ESR1: variants seen among roughly 807,000 people sequenced by gnomAD.
ESR1 encodes estrogen receptor.
Under a neutral mutation model 52.7 loss-of-function variants are expected in ESR1, and 12 were observed. The observed-to-expected ratio is 0.23, with a 90% CI of 0.15 to 0.37. The LOEUF (loss-of-function observed/expected upper bound fraction) is 0.37, where lower values mean the gene tolerates loss of function less well. Among genes scored for constraint, ESR1 ranks in the 10% least tolerant of loss-of-function variants. The pLI is 1.00. For synonymous variants in ESR1, 305 were observed against 316.8 expected, an observed-to-expected ratio of 0.96 and a Z score of 0.39; for missense variants, 584 against 779.7, an observed-to-expected ratio of 0.75 and a Z score of 2.99.
At chr6:151,968,169 GA>G (rs1324477266) in intron 4 of ESR1, among the ~76,000 whole-genome samples, 4 of 152,114 alleles carry the variant, frequency 2.6e-5, no homozygotes, top group African/African-American at 9.7e-5. Context: ...AAGAAATGGG[GA>G]AAGGATTCCC....
chr6:151,766,138 C>T (rs1287495866), intron 2 of ESR1, among the ~76,000 whole-genome samples: 3 of 152,048 alleles, frequency 2.0e-5, no homozygotes, highest in Non-Finnish European at 4.4e-5. Context: ...AAAATATGTA[C>T]CTGTATAAAA....
intron 6 of ESR1, among the ~76,000 whole-genome samples, chr6:152,123,881 A>G (rs911778252): frequency 6.6e-6 from 1 of 152,200 alleles, no homozygotes; most frequent in African/African-American, 2.4e-5. Context: ...TAGCTCACCT[A>G]TTACCTATTA....
At chr6:152,084,477 C>G (rs2982899) in intron 6 of ESR1, among the ~76,000 whole-genome samples, 4 of 151,642 alleles carry the variant, frequency 2.6e-5, no homozygotes, top group African/African-American at 9.7e-5. Context: ...CCTCCCACCA[C>G]GATTCTAAGG....
chr6:152,091,708 G>A (rs966506660), intron 6 of ESR1, among the ~76,000 whole-genome samples: 1 of 151,988 alleles, frequency 6.6e-6, no homozygotes, highest in African/African-American at 2.4e-5. Flanking sequence ...TGTCTCTTGG[G>A]GTCGCTGAGG....
intron 3 of ESR1, among the ~76,000 whole-genome samples, chr6:151,910,285 G>T (rs1562538181): frequency 6.6e-6 from 1 of 151,930 alleles, no homozygotes; most frequent in Non-Finnish European, 1.5e-5. Context: ...ACATGTGGCT[G>T]GTGGTTACTG....
At chr6:152,052,914 C>T (rs1238078624) in intron 5 of ESR1, among the ~76,000 whole-genome samples, 1 of 152,102 alleles carries the variant, frequency 6.6e-6, no homozygotes, top group African/African-American at 2.4e-5. Flanking sequence ...GGCCAGAAAC[C>T]CAAGGACATT....
chr6:151,785,644 G>T (rs1288439713), intron 2 of ESR1, among the ~76,000 whole-genome samples: 2 of 152,110 alleles, frequency 1.3e-5, no homozygotes, highest in Non-Finnish European at 2.9e-5. Flanking sequence ...CTTGGAGGTG[G>T]CTCAAAACAC....
At chr6:152,026,800 A>G (rs1013772395) in intron 5 of ESR1, among the ~76,000 whole-genome samples, 2 of 152,036 alleles carry the variant, frequency 1.3e-5, no homozygotes, top group African/African-American at 4.8e-5. Flanking sequence ...ATTCCTGAGC[A>G]CTCTCCAGTC....
At chr6:151,946,596 T>C (rs536889804) in intron 4 of ESR1, among the ~76,000 whole-genome samples, 1 of 152,302 alleles carries the variant, frequency 6.6e-6, no homozygotes, top group South Asian at 2.1e-4. Flanking sequence ...TCATGTTCGT[T>C]TAAAAGACCT....
chr6:151,872,527 T>C (rs1346199631), intron 2 of ESR1, among the ~76,000 whole-genome samples: 1 of 152,236 alleles, frequency 6.6e-6, no homozygotes, highest in Non-Finnish European at 1.5e-5. Context: ...TGAATACTTT[T>C]AATCCTTCAT....
chr6:152,004,134 CA>C (rs2042160843), intron 4 of ESR1, among the ~76,000 whole-genome samples: 1 of 151,852 alleles, frequency 6.6e-6, no homozygotes, highest in African/African-American at 2.4e-5. Flanking sequence ...TAAAAATAAT[CA>C]AATACTAGTG....
intron 2 of ESR1, among the ~76,000 whole-genome samples, chr6:151,766,001 G>A (rs1785021400): frequency 6.6e-6 from 1 of 152,146 alleles, no homozygotes; most frequent in Admixed American, 6.5e-5. Flanking sequence ...TCCCTCACAT[G>A]CTGTGGCAAT....
upstream of ESR1, among the ~76,000 whole-genome samples, chr6:151,689,119 A>G (rs3020333): frequency 0.45 from 68,795 of 152,038 alleles, 16,055 homozygotes; most frequent in African/African-American, 0.52. Context: ...TGTAATTTTC[A>G]TCTCTGTATT....
chr6:151,668,806 A>G (rs1363646384), intron 1 of ESR1, among the ~76,000 whole-genome samples: 1 of 152,114 alleles, frequency 6.6e-6, no homozygotes, highest in Non-Finnish European at 1.5e-5. Flanking sequence ...GATTTAAAAG[A>G]GCAGAAACAC....
At chr6:151,913,266 G>A (rs9340884) in intron 3 of ESR1, among the ~76,000 whole-genome samples, 57 of 151,982 alleles carry the variant, frequency 3.8e-4, no homozygotes, top group African/African-American at 8.0e-4. Context: ...ACTTTGTCAC[G>A]TCACATGCCC....
chr6:152,111,649 A>G (rs966758408), intron 6 of ESR1, among the ~76,000 whole-genome samples: 16 of 152,210 alleles, frequency 1.1e-4, no homozygotes, highest in African/African-American at 3.6e-4. Context: ...TCCAACCAGA[A>G]AGAACATGTT....
chr6:151,769,642 G>C (rs1442245879), intron 2 of ESR1, among the ~76,000 whole-genome samples: 3 of 152,206 alleles, frequency 2.0e-5, no homozygotes, highest in Non-Finnish European at 4.4e-5. Flanking sequence ...AAGATAGACT[G>C]GGCTACGCAG....
chr6:151,797,759 C>T (rs1776851960), intron 2 of ESR1, among the ~76,000 whole-genome samples: 1 of 152,202 alleles, frequency 6.6e-6, no homozygotes. Context: ...TTTGATACAG[C>T]TCATTCTTGT....
chr6:151,982,034 G>A (rs950671214), intron 4 of ESR1, among the ~76,000 whole-genome samples: 5 of 152,228 alleles, frequency 3.3e-5, no homozygotes, highest in African/African-American at 1.2e-4. Flanking sequence ...CCAATGTAAT[G>A]ATATAGACAA....
Sources: allele counts gnomAD v4.1 joint callset (sites outside exome capture counted in the v4.1 genomes callset), GRCh38; gene constraint gnomAD v4.1.1; transcripts MANE v1.5; gene names NCBI Gene and HGNC (gene_info 2026-07-23, HGNC 2026-07-21).